EEA1: variants seen among roughly 807,000 people sequenced by gnomAD.
The protein encoded by EEA1 is early endosome antigen 1, also known as early endosome antigen 1, 162kD.
Under a neutral mutation model 209.2 loss-of-function variants are expected in EEA1, and 111 were observed. The observed-to-expected ratio is 0.53, with a 90% confidence interval of 0.45 to 0.62. The LOEUF (loss-of-function observed/expected upper bound fraction) is 0.62, where lower values mean the gene tolerates loss of function less well. Among genes scored for constraint, EEA1 ranks in the 20% least tolerant of loss-of-function variants. The pLI, the probability that EEA1 is intolerant of heterozygous loss-of-function variation, is 0.00. For missense variants in EEA1, 1,343 were observed against 1,530.8 expected (o/e 0.88, Z 2.05); for synonymous variants, 536 against 540.6 (o/e 0.99, Z 0.12).
At chr12:92,858,481 A>C in intron 3 of EEA1, 1 of 1,050,708 alleles carries the variant, frequency 9.5e-7, no homozygotes, top group Non-Finnish European at 1.5e-6. Context: ...GGTGTTGGAG[A>C]CCAGGGCTTG....
At chr12:92,802,885 C>A in intron 18 of EEA1, 151 bp from the exon 19 acceptor site, 1 of 588,660 alleles carries the variant, frequency 1.7e-6, no homozygotes, top group Admixed American at 3.9e-5. Context: ...AATCGCACCA[C>A]TGAAAAATAC....
At chr12:92,777,317 T>C (rs1169385482) in intron 27 of EEA1, among the ~76,000 whole-genome samples, 1 of 151,962 alleles carries the variant, frequency 6.6e-6, no homozygotes, top group Non-Finnish European at 1.5e-5. Context: ...TTCCATATAC[T>C]AACAATTAAT....
At chr12:92,838,259 C>T (rs769142896) in intron 10 of EEA1, among the ~76,000 whole-genome samples, 29 of 152,114 alleles carry the variant, frequency 1.9e-4, no homozygotes, top group Non-Finnish European at 3.7e-4. Context: ...AAAATGTGTG[C>T]TAGAGTATTT....
intron 22 of EEA1, among the ~76,000 whole-genome samples, chr12:92,787,390 A>T (rs1008627225): frequency 1.3e-5 from 2 of 152,142 alleles, no homozygotes; most frequent in African/African-American, 4.8e-5. Context: ...CAAAATTTCT[A>T]TACATTGTTA....
At chr12:92,804,571 C>CAAAAAA (rs1195692496) in intron 18 of EEA1, among the ~76,000 whole-genome samples, 2 of 47,736 alleles carry the variant, frequency 4.2e-5, no homozygotes, top group African/African-American at 1.4e-4. Flanking sequence ...GACTCTGTCT[C>CAAAAAA]AAAAAAAAAA....
chr12:92,832,878 C>T lies in EEA1; in HGVS notation c.916-28G>A, dbSNP rs779385545. ...AAAATATCAATTTAACAATTTATTT[C>T]CTTTTCTAATATTTTTAATTACTCC... On this transcript the variant is annotated intron_variant, in intron 10 of 28. Transcript: ENST00000322349. 5.3e-6 allele frequency: 8 copies of T among 1,510,058 alleles called. 1 individual carries two copies. The South Asian group carries it at 1.0e-4, about 19-fold the overall frequency. The allele number at this position is 1,510,058 out of a possible 1,614,324, so 93.5% of individuals were successfully genotyped here. A position where few individuals can be genotyped will look rare whatever the true frequency, so the allele number is the denominator to read the frequency against.
At chr12:92,835,863 T>C (rs1876908810) in intron 10 of EEA1, among the ~76,000 whole-genome samples, 1 of 152,224 alleles carries the variant, frequency 6.6e-6, no homozygotes, top group South Asian at 2.1e-4. Context: ...GAAACCACTT[T>C]CTTTCTTTTT....
intron 5 of EEA1, among the ~76,000 whole-genome samples, chr12:92,854,691 T>C (rs923847995): frequency 8.5e-5 from 13 of 152,202 alleles, no homozygotes; most frequent in Non-Finnish European, 1.9e-4. Context: ...GATCTTTGAG[T>C]CTCGGCAGCC....
chr12:92,772,942 A>C lies in EEA1; in HGVS notation c.*3069T>G, dbSNP rs182779528. The C allele has an allele frequency of 1.2e-3, 186 of 152,418 alleles. No individual in the cohort carries two copies. The highest frequency in any genetic ancestry group is 4.2e-3 in the African/African-American group (176 of 41,558). 9.4% of individuals were successfully genotyped at this position (152,418 alleles called of 1,614,324 possible). A position where few individuals can be genotyped will look rare whatever the true frequency, so the allele number is the denominator to read the frequency against. On this transcript the variant is annotated 3_prime_UTR_variant, in exon 29 of 29. Coordinates refer to ENST00000322349, the MANE Select transcript of EEA1 (RefSeq NM_003566.4). Reference sequence around the variant, plus strand: ...ATTTTATACAATTTTACATAAATTTAGTAAGTTTATGCACAATATTCACAT... The same window carrying C: ...ATTTTATACAATTTTACATAAATTTCGTAAGTTTATGCACAATATTCACAT...
At chr12:92,840,847 C>T (rs1877136308) in intron 10 of EEA1, among the ~76,000 whole-genome samples, 1 of 152,142 alleles carries the variant, frequency 6.6e-6, no homozygotes, top group Non-Finnish European at 1.5e-5. Flanking sequence ...CCCCAAAATT[C>T]ATATACTGAA....
chr12:92,848,323 T>G (rs61935260), intron 9 of EEA1, among the ~76,000 whole-genome samples: 39,112 of 151,852 alleles, frequency 0.26, 5,540 homozygotes, highest in Non-Finnish European at 0.32. Context: ...TCCCTATCTT[T>G]CATAACTCTA....
At chr12:92,799,997 C>A (rs1874833956) in intron 20 of EEA1, among the ~76,000 whole-genome samples, 1 of 151,930 alleles carries the variant, frequency 6.6e-6, no homozygotes, top group Non-Finnish European at 1.5e-5. Context: ...CCAACGCGGG[C>A]AGGTTACTTG....
rs188851269 is a variant in EEA1 at position 92,806,443 on chromosome 12, A to T, written c.2339+2574T>A. 4.9e-4 allele frequency among the ~76,000 whole-genome samples: 74 copies of T among 152,312 alleles called. 1 individual carries two copies. The East Asian group carries it at 0.014, about 29-fold the overall frequency. On this transcript the variant is annotated intron_variant, in intron 18 of 28. Transcript: ENST00000322349. ...ACCAAAACTGACTCAAGAAAAAAAA[A>T]TCAGGAAATTAGAATAGCTCTATGT...
At chr12:92,832,081 A>G (rs929793113) in intron 11 of EEA1, among the ~76,000 whole-genome samples, 34 of 150,414 alleles carry the variant, frequency 2.3e-4, no homozygotes, top group Admixed American at 1.8e-3. Flanking sequence ...GCGACAGAGC[A>G]AGACTCCGTC....
chr12:92,893,715 T>G (rs1216993515), intron 1 of EEA1, among the ~76,000 whole-genome samples: 1 of 152,096 alleles, frequency 6.6e-6, no homozygotes, highest in Non-Finnish European at 1.5e-5. Context: ...AAGACAGGAA[T>G]CTTCATTTTT....
At chr12:92,913,908 G>C (rs556309236) in intron 1 of EEA1, among the ~76,000 whole-genome samples, 2 of 152,056 alleles carry the variant, frequency 1.3e-5, no homozygotes, top group Non-Finnish European at 2.9e-5. Flanking sequence ...TGATCCGCCC[G>C]CCTAGGCCTC....
chr12:92,860,609 C>T lies in EEA1; in HGVS notation c.246-3124G>A, dbSNP rs573664402. On this transcript the variant is annotated intron_variant, in intron 3 of 28. Transcript: ENST00000322349. Reference sequence around the variant, plus strand: ...ATGTTTCCAGCATTCCTAGGTAGGCCAAGGTGTCCTACAGAAAAACCTTGG... The same window carrying T: ...ATGTTTCCAGCATTCCTAGGTAGGCTAAGGTGTCCTACAGAAAAACCTTGG... 5.9e-5 allele frequency among the ~76,000 whole-genome samples: 9 copies of T among 152,090 alleles called. No individual in the cohort carries two copies. In the South Asian group the frequency reaches 1.0e-3, roughly 18 times the overall value.
chr12:92,815,153 C>T (rs1875718425), intron 15 of EEA1, among the ~76,000 whole-genome samples: 2 of 152,024 alleles, frequency 1.3e-5, no homozygotes, highest in Admixed American at 1.3e-4. Flanking sequence ...TAATATTTTT[C>T]AGAGTAATGG....
At chr12:92,900,949 G>A (rs574446204) in intron 1 of EEA1, among the ~76,000 whole-genome samples, 4 of 152,176 alleles carry the variant, frequency 2.6e-5, no homozygotes, top group South Asian at 2.1e-4. Flanking sequence ...GATTACAGGC[G>A]CGAGCCAACA....
Sources: allele counts gnomAD v4.1 joint callset (sites outside exome capture counted in the v4.1 genomes callset), GRCh38; gene constraint gnomAD v4.1.1; transcripts MANE v1.5; gene names NCBI Gene and HGNC (gene_info 2026-07-23, HGNC 2026-07-21).